Variants in KIF13A observed in about 807,000 individuals in gnomAD.
KIF13A encodes kinesin family member 13A.
A neutral mutation model predicts 212.2 loss-of-function variants in KIF13A; 79 were observed. That is an observed-to-expected ratio of 0.37 (90% CI 0.31 to 0.45). The LOEUF is 0.45. Among genes scored for constraint, KIF13A ranks in the 20% least tolerant of loss-of-function variants. The pLI is 1.00. For synonymous variants in KIF13A, 789 were observed against 808.6 expected (o/e 0.98, Z 0.41); for missense variants, 1,901 against 2,209.0 (o/e 0.86, Z 2.79).
intron 2 of KIF13A, among the ~76,000 whole-genome samples, chr6:17,946,449 A>C (rs182137764): frequency 6.6e-6 from 1 of 152,132 alleles, no homozygotes; most frequent in Non-Finnish European, 1.5e-5. Flanking sequence ...AGGCCAAAAA[A>C]AAAACAAAAA....
At chr6:17,929,959 G>C (rs1406173522) in intron 2 of KIF13A, among the ~76,000 whole-genome samples, 1 of 152,188 alleles carries the variant, frequency 6.6e-6, no homozygotes, top group Non-Finnish European at 1.5e-5. Flanking sequence ...CGGCACAGTT[G>C]AAAGACAGCT....
chr6:17,815,004 G>A lies in KIF13A; in HGVS notation c.2000+2016C>T, dbSNP rs186444566. ...CGGTAGTGGCCCCGAATGCCTGGCT[G>A]CACTGTTATTTATTGGATACAAGAA... On this transcript the variant is annotated intron_variant, in intron 17 of 38. Coordinates refer to ENST00000259711, the MANE Select transcript of KIF13A (RefSeq NM_022113.6). Among the ~76,000 whole-genome samples, 51 of 152,254 alleles carry A rather than the reference G, an allele frequency of 3.3e-4. No individual in the cohort carries two copies. The South Asian group carries it at 3.5e-3, about 11-fold the overall frequency.
intron 3 of KIF13A, among the ~76,000 whole-genome samples, chr6:17,894,725 G>A (rs953982814): frequency 2.0e-5 from 3 of 152,020 alleles, no homozygotes; most frequent in Non-Finnish European, 2.9e-5. Flanking sequence ...TCTTTGAGCC[G>A]TATGGTTCTA....
At position 17,948,230 on chromosome 6, in the gene KIF13A, T is replaced by C. The variant is rs79754075; in HGVS notation, c.146+38824A>G. On this transcript the variant is annotated intron_variant, in intron 2 of 38. Transcript: ENST00000259711. ...GCCAGACTGAAGGATCAGAACAGACTTGACTTGAAGAGATTCATTACCAAA... is the reference window on the plus strand; with the variant it reads ...GCCAGACTGAAGGATCAGAACAGACCTGACTTGAAGAGATTCATTACCAAA... Among the ~76,000 whole-genome samples, 858 of 152,336 alleles carry C rather than the reference T, an allele frequency of 5.6e-3. 13 individuals carry two copies. The highest frequency in any genetic ancestry group is 0.019 in the African/African-American group (794 of 41,570).
Position 17,834,341 on chromosome 6 carries a change from C to T in KIF13A, c.1156-270G>A, listed in dbSNP as rs12664891. Reference sequence around the variant, plus strand: ...TTATACTTAAATTTCACATTTAAAGCCCTAAAAGATGCTAACGTTCAACTT... The same window carrying T: ...TTATACTTAAATTTCACATTTAAAGTCCTAAAAGATGCTAACGTTCAACTT... On this transcript the variant is annotated intron_variant, in intron 11 of 38. Coordinates refer to ENST00000259711, the MANE Select transcript of KIF13A (RefSeq NM_022113.6). The surrounding 1 kb of genome is among the most constrained non-coding windows in gnomAD (Gnocchi z 4.0). Among the ~76,000 whole-genome samples, 28,051 of 152,104 alleles carry T rather than the reference C, an allele frequency of 0.18. 2,873 individuals are homozygous for T. The highest frequency in any genetic ancestry group is 0.29 in the Admixed American group (4,473 of 15,274).
Position 17,934,540 on chromosome 6 carries a change from A to G in KIF13A, c.147-36360T>C, listed in dbSNP as rs941852860. ...CGTGGGTCATGCCTGTAATCCCAAA[A>G]CTCTGGGAGACAGAGGCAGAGAGGA... On this transcript the variant is annotated intron_variant, in intron 2 of 38. Transcript: ENST00000259711. This position sits in a 1 kb window ranked among gnomAD's most constrained non-coding sequence, Gnocchi z 5.4. 6.6e-6 allele frequency among the ~76,000 whole-genome samples: 1 copy of G among 152,050 alleles called. No individual in the cohort carries two copies. Among genetic ancestry groups the G allele is most frequent in the Non-Finnish European group, 1.5e-5 (1 of 67,990 alleles).
At chr6:17,911,911 T>G (rs953272410) in intron 2 of KIF13A, among the ~76,000 whole-genome samples, 2 of 151,982 alleles carry the variant, frequency 1.3e-5, no homozygotes, top group African/African-American at 4.8e-5. Context: ...ACTACAGGAA[T>G]GCACCACCAT....
At chr6:17,935,908 A>T (rs1017407983) in intron 2 of KIF13A, among the ~76,000 whole-genome samples, 2 of 152,330 alleles carry the variant, frequency 1.3e-5, no homozygotes, top group Admixed American at 6.5e-5. Context: ...TCTTAAAGCC[A>T]TATTTCCTCT....
chr6:17,881,523 C>A, intron 3 of KIF13A: 1 of 431,112 alleles, frequency 2.3e-6, no homozygotes. Context: ...ATGGTGAAAC[C>A]CTGTCTCTAC....
chr6:17,880,472 C>T (rs1354633040), intron 3 of KIF13A, among the ~76,000 whole-genome samples: 1 of 151,524 alleles, frequency 6.6e-6, no homozygotes, highest in Non-Finnish European at 1.5e-5. Flanking sequence ...ACTAAAGATA[C>T]AAAAAATTAG....
intron 25 of KIF13A, among the ~76,000 whole-genome samples, chr6:17,790,795 T>C (rs1208946609): frequency 1.3e-5 from 2 of 152,152 alleles, no homozygotes; most frequent in African/African-American, 4.8e-5. Context: ...TACTACACTG[T>C]TGAAATAAAA....
chr6:17,947,037 A>G lies in KIF13A; in HGVS notation c.146+40017T>C, dbSNP rs554909455. On this transcript the variant is annotated intron_variant, in intron 2 of 38. Transcript: ENST00000259711. This position sits in a 1 kb window ranked among gnomAD's most constrained non-coding sequence, Gnocchi z 4.6. Reference sequence around the variant, plus strand: ...ATACCTCAATAAAGCTATTTTAAAAACAGATGAGCAAATAAAGTGTGACGA... The same window carrying G: ...ATACCTCAATAAAGCTATTTTAAAAGCAGATGAGCAAATAAAGTGTGACGA... 3.3e-5 allele frequency among the ~76,000 whole-genome samples: 5 copies of G among 152,368 alleles called. No individual in the cohort carries two copies. The South Asian group carries it at 1.0e-3, about 32-fold the overall frequency.
At position 17,963,699 on chromosome 6, in the gene KIF13A, G is replaced by T. The variant is rs948635732; in HGVS notation, c.146+23355C>A. On this transcript the variant is annotated intron_variant, in intron 2 of 38. Coordinates refer to ENST00000259711, the MANE Select transcript of KIF13A (RefSeq NM_022113.6). The surrounding 1 kb of genome is among the most constrained non-coding windows in gnomAD (Gnocchi z 4.1). ...AGGCTCCCAAGTAGCTGGGATTACAGGCACGCGCCACCACGCCCTGCTAAT... is the reference window on the plus strand; with the variant it reads ...AGGCTCCCAAGTAGCTGGGATTACATGCACGCGCCACCACGCCCTGCTAAT... Among the ~76,000 whole-genome samples the T allele has an allele frequency of 1.3e-5, 2 of 152,150 alleles. No individual in the cohort carries two copies. Among genetic ancestry groups the T allele is most frequent in the Non-Finnish European group, 2.9e-5 (2 of 68,030 alleles).
chr6:17,891,511 AACTGGGG>A (rs1206138574), intron 3 of KIF13A, among the ~76,000 whole-genome samples: 1 of 152,184 alleles, frequency 6.6e-6, no homozygotes, highest in African/African-American at 2.4e-5. Flanking sequence ...AAAGAAACCC[AACTGGGG>A]AGGCTGAGGA....
chr6:17,806,072 A>G (rs751999925), intron 18 of KIF13A, among the ~76,000 whole-genome samples: 1 of 152,006 alleles, frequency 6.6e-6, no homozygotes, highest in Admixed American at 6.6e-5. Context: ...GGCACATGAC[A>G]CCATGACTGA....
In KIF13A at chr6:17,918,750, C is replaced by T. The variant is rs1307379450; in HGVS notation, c.147-20570G>A. On this transcript the variant is annotated intron_variant, in intron 2 of 38. Transcript: ENST00000259711. This position sits in a 1 kb window ranked among gnomAD's most constrained non-coding sequence, Gnocchi z 4.8. ...GCTTGCTCCTCAGAGGAGTGTTCCC[C>T]GTACTCCCTACATTAATGTTGAGGC... Among the ~76,000 whole-genome samples, 3 of 152,114 alleles carry T rather than the reference C, an allele frequency of 2.0e-5. No individual in the cohort carries two copies. Among genetic ancestry groups the T allele is most frequent in the Admixed American group, 6.5e-5 (1 of 15,278 alleles).
chr6:17,969,874 A>G (rs548165887), intron 2 of KIF13A, among the ~76,000 whole-genome samples: 8 of 152,048 alleles, frequency 5.3e-5, no homozygotes, highest in Admixed American at 2.6e-4. Context: ...TCTTTTAAAA[A>G]GTTTTAAAAT....
chr6:17,767,294 G>A (rs538410637), intron 38 of KIF13A, among the ~76,000 whole-genome samples: 13 of 148,236 alleles, frequency 8.8e-5, no homozygotes, highest in South Asian at 2.1e-4. Flanking sequence ...CACTCTTGTC[G>A]TCCAGGCTGG....
At chr6:17,954,835 G>A (rs556493876) in intron 2 of KIF13A, among the ~76,000 whole-genome samples, 13 of 152,022 alleles carry the variant, frequency 8.6e-5, no homozygotes, top group Non-Finnish European at 1.9e-4. Context: ...CATCACACCT[G>A]GCTAATTAAG....
Sources: gnomAD v4.1 joint callset for allele counts (sites outside exome capture counted in the v4.1 genomes callset) on GRCh38, gnomAD v4.1.1 for gene constraint, Gnocchi (gnomAD v3.1) non-coding constraint, MANE v1.5 for transcripts, NCBI Gene and HGNC (gene_info 2026-07-23, HGNC 2026-07-21) for gene names.